The following FRMD3 variants were observed in gnomAD, a reference collection of about 807,000 sequenced individuals.
FRMD3 encodes the protein FERM domain-containing protein 3.
A neutral mutation model predicts 70.2 loss-of-function variants in FRMD3; 33 were observed. The ratio of observed to expected loss-of-function variants is 0.47; its 90% CI spans 0.36 to 0.63. The LOEUF (loss-of-function observed/expected upper bound fraction) is 0.63. Among genes scored for constraint, FRMD3 ranks in the 20% least tolerant of loss-of-function variants. FRMD3 has a pLI of 0.00. For synonymous variants in FRMD3, 279 were observed against 255.9 expected (o/e 1.09, Z -0.86); for missense variants, 632 against 711.4 (o/e 0.89, Z 1.27).
intron 1 of FRMD3, among the ~76,000 whole-genome samples, chr9:83,487,977 C>A (rs1828724260): frequency 6.6e-6 from 1 of 152,104 alleles, no homozygotes; most frequent in South Asian, 2.1e-4. Context: ...AATTTCCAAG[C>A]AAGAACAATA....
At chr9:83,421,134 GT>G (rs1455088139) in intron 1 of FRMD3, among the ~76,000 whole-genome samples, 106 of 151,142 alleles carry the variant, frequency 7.0e-4, no homozygotes, top group Non-Finnish European at 1.2e-3. Context: ...TAGAGGCGGG[GT>G]TTCACTGTGT....
At chr9:83,290,567 G>A in intron 13 of FRMD3, 36 bp downstream of exon 13, 1 of 1,613,146 alleles carries the variant, frequency 6.2e-7, no homozygotes, top group Non-Finnish European at 8.5e-7. Context: ...GAGGAAGCCT[G>A]CAGCACCAGC....
intron 3 of FRMD3, among the ~76,000 whole-genome samples, chr9:83,359,357 G>A (rs1418616223): frequency 6.6e-6 from 1 of 152,052 alleles, no homozygotes; most frequent in Non-Finnish European, 1.5e-5. Flanking sequence ...AAGAGACTTT[G>A]GGGTCCCATA....
At chr9:83,548,659 C>T in the FRMD3 span, among the ~76,000 whole-genome samples, 2 of 152,242 alleles carry the variant, frequency 1.3e-5, no homozygotes, top group Admixed American at 6.5e-5. Context: ...GAATACCTAA[C>T]ATTATGCATT....
chr9:83,379,809 G>A (rs781376578), intron 2 of FRMD3, among the ~76,000 whole-genome samples: 1 of 152,134 alleles, frequency 6.6e-6, no homozygotes, highest in Non-Finnish European at 1.5e-5. Flanking sequence ...AGATGTGGTA[G>A]TATAAATACC....
chr9:83,438,093 T>C (rs1471673176), intron 1 of FRMD3, among the ~76,000 whole-genome samples: 1 of 152,144 alleles, frequency 6.6e-6, no homozygotes, highest in Non-Finnish European at 1.5e-5. Context: ...AAATTTCTGC[T>C]AAATTACTAT....
chr9:83,264,669 C>A (rs1833147984), intron 13 of FRMD3, among the ~76,000 whole-genome samples: 1 of 151,914 alleles, frequency 6.6e-6, no homozygotes, highest in Non-Finnish European at 1.5e-5. Context: ...GCAGGGGAAA[C>A]CTGACCTACC....
intron 13 of FRMD3, among the ~76,000 whole-genome samples, chr9:83,276,831 T>C (rs1563989396): frequency 1.3e-5 from 2 of 152,244 alleles, no homozygotes; most frequent in Non-Finnish European, 1.5e-5. Context: ...TGCCTCAGCC[T>C]CCCGAGTAGC....
At chr9:83,270,558 C>T (rs1587654679) in intron 13 of FRMD3, among the ~76,000 whole-genome samples, 1 of 152,216 alleles carries the variant, frequency 6.6e-6, no homozygotes, top group Non-Finnish European at 1.5e-5. Flanking sequence ...ATAGAGCTGG[C>T]TCCTATGAAC....
At chr9:83,328,040 A>C (rs961712074) in intron 6 of FRMD3, among the ~76,000 whole-genome samples, 1 of 152,216 alleles carries the variant, frequency 6.6e-6, no homozygotes, top group Non-Finnish European at 1.5e-5. Context: ...CCATGCAGGG[A>C]CAAGGCTTAT....
intron 3 of FRMD3, among the ~76,000 whole-genome samples, chr9:83,363,553 CTT>C (rs34789292): frequency 2.6e-5 from 3 of 113,334 alleles, no homozygotes; most frequent in East Asian, 2.6e-4. Flanking sequence ...GAGACATAGG[CTT>C]TTTTTTTTTT....
intron 7 of FRMD3, among the ~76,000 whole-genome samples, chr9:83,312,804 G>T (rs1835415510): frequency 7.0e-6 from 1 of 142,918 alleles, no homozygotes; most frequent in South Asian, 2.5e-4. Flanking sequence ...TGACGTAATT[G>T]GTGTGGGATG....
downstream of FRMD3, among the ~76,000 whole-genome samples, chr9:83,244,069 G>A (rs996416816): frequency 3.0e-4 from 46 of 151,910 alleles, no homozygotes; most frequent in Admixed American, 1.0e-3. Context: ...AGGAGGTTGC[G>A]GTGAGCCGTG....
intron 1 of FRMD3, among the ~76,000 whole-genome samples, chr9:83,399,062 C>T (rs1235905896): frequency 6.6e-6 from 1 of 152,170 alleles, no homozygotes. Flanking sequence ...CAGTCAACAT[C>T]ACAGCAAGAG....
At chr9:83,407,923 C>CTCTCTCTCTCTCTCTCTCTCTCAT (rs1826171342) in intron 1 of FRMD3, among the ~76,000 whole-genome samples, 2 of 144,216 alleles carry the variant, frequency 1.4e-5, no homozygotes, top group African/African-American at 2.7e-5. Flanking sequence ...CTCTCCCTCC[C>CTCTCTCTCTCTCTCTCTCTCTCAT]CTTTCTCTTT....
At chr9:83,300,552 G>A (rs11140013) in intron 10 of FRMD3, among the ~76,000 whole-genome samples, 73,871 of 151,966 alleles carry the variant, frequency 0.49, 20,454 homozygotes, top group East Asian at 0.64. Flanking sequence ...AGAAGGGGAG[G>A]GTAGTAGGGG....
At position 83,253,183 on chromosome 9, in the gene FRMD3, T is replaced by A. The variant is rs1395134522; in HGVS notation, c.1196-4667A>T. 2.6e-5 allele frequency among the ~76,000 whole-genome samples: 4 copies of A among 152,190 alleles called. No individual in the cohort carries two copies. In the South Asian group the frequency reaches 6.2e-4, roughly 24 times the overall value. ...ATCGTAACAGTCTGTCAGCCCACAG[T>A]GCAATCAAATTAAAACTCAAGATTA... On this transcript the variant is annotated intron_variant, in intron 13 of 13. Transcript: ENST00000304195.
intron 1 of FRMD3, among the ~76,000 whole-genome samples, chr9:83,475,524 A>G (rs1387140933): frequency 6.6e-6 from 1 of 152,182 alleles, no homozygotes; most frequent in African/African-American, 2.4e-5. Context: ...GGGAACTCAT[A>G]TGTATTGAGT....
At chr9:83,420,525 G>T (rs560564034) in intron 1 of FRMD3, among the ~76,000 whole-genome samples, 12 of 152,252 alleles carry the variant, frequency 7.9e-5, no homozygotes, top group Non-Finnish European at 1.3e-4. Flanking sequence ...GATACCTTTG[G>T]ATCTAGAAAG....
Sources: gnomAD v4.1 joint callset for allele counts (sites outside exome capture counted in the v4.1 genomes callset) on GRCh38, gnomAD v4.1.1 for gene constraint, MANE v1.5 for transcripts, NCBI Gene and HGNC (gene_info 2026-07-23, HGNC 2026-07-21) for gene names.